Variants in GAREM1 observed in about 807,000 individuals in gnomAD.
The protein encoded by GAREM1 is GRB2-associated and regulator of MAPK protein 1.
Under a neutral mutation model 71.3 loss-of-function variants are expected in GAREM1, and 26 were observed. That is an observed-to-expected ratio of 0.36 (90% CI 0.27 to 0.51). GAREM1 has a LOEUF of 0.51. Among genes scored for constraint, GAREM1 ranks in the 20% least tolerant of loss-of-function variants. GAREM1 has a pLI of 0.95. For synonymous variants in GAREM1, 440 were observed against 433.2 expected, an observed-to-expected ratio of 1.02 and a Z score of -0.20; for missense variants, 1,026 against 1,103.1, an observed-to-expected ratio of 0.93 and a Z score of 0.99.
Position 32,457,763 on chromosome 18 carries a change from AT to A in GAREM1, c.121+12544del, listed in dbSNP as rs1172171017. 5.3e-5 allele frequency among the ~76,000 whole-genome samples: 8 copies of A among 152,102 alleles called. No homozygotes were observed. In the East Asian group the frequency reaches 7.7e-4, roughly 15 times the overall value. ...AGTGATATGTACTTTTTTAATTATTATTTTTTATTATACTTTTAAGTTCTAG... is the reference window on the plus strand; with the variant it reads ...AGTGATATGTACTTTTTTAATTATTATTTTTATTATACTTTTAAGTTCTAG... On this transcript the variant is annotated intron_variant, in intron 1 of 5. Transcript: ENST00000269209.
Position 32,356,146 on chromosome 18 carries a change from G to C in GAREM1, c.262+36749C>G, listed in dbSNP as rs970933144. Among the ~76,000 whole-genome samples, 3 of 152,182 alleles carry C rather than the reference G, an allele frequency of 2.0e-5. No homozygotes were observed. In the South Asian group the frequency reaches 6.2e-4, roughly 31 times the overall value. ...AAAGGAATGAATCACCATGAAGCAG[G>C]TCAGGTTAGCATTTTTTTCCCATTT... On this transcript the variant is annotated intron_variant, in intron 2 of 5. Transcript: ENST00000269209.
chr18:32,409,557 ATG>A (rs1334687242), intron 1 of GAREM1, among the ~76,000 whole-genome samples: 8 of 152,218 alleles, frequency 5.3e-5, no homozygotes, highest in Non-Finnish European at 4.4e-5. Flanking sequence ...GCAAAAAGGA[ATG>A]CATGAAACAA....
intron 4 of GAREM1, among the ~76,000 whole-genome samples, chr18:32,277,194 T>C (rs370398452): frequency 2.6e-5 from 4 of 152,068 alleles, no homozygotes; most frequent in African/African-American, 9.7e-5. Context: ...TTCTCAGGAA[T>C]TGTCTGGAAA....
At chr18:32,374,515 C>T (rs1413504509) in intron 2 of GAREM1, among the ~76,000 whole-genome samples, 16 of 152,134 alleles carry the variant, frequency 1.1e-4, no homozygotes, top group Non-Finnish European at 2.2e-4. Context: ...CTTAGCAAAA[C>T]AATATAGCTC....
At chr18:32,419,880 G>C (rs1481817909) in intron 1 of GAREM1, among the ~76,000 whole-genome samples, 1 of 152,140 alleles carries the variant, frequency 6.6e-6, no homozygotes. Context: ...CTTTCAAAAA[G>C]ACTTTATGGG....
chr18:32,338,779 T>C (rs943921436), intron 2 of GAREM1, among the ~76,000 whole-genome samples: 1 of 152,256 alleles, frequency 6.6e-6, no homozygotes, highest in Non-Finnish European at 1.5e-5. Context: ...TGATGGTTAA[T>C]GTTGTGTCAA....
chr18:32,299,853 G>A (rs2047182444), intron 3 of GAREM1, among the ~76,000 whole-genome samples: 1 of 152,032 alleles, frequency 6.6e-6, no homozygotes, highest in Admixed American at 6.6e-5. Context: ...AAAGACACAA[G>A]AAGCAAATAA....
At chr18:32,336,133 T>C (rs756462128) in intron 2 of GAREM1, among the ~76,000 whole-genome samples, 1 of 152,106 alleles carries the variant, frequency 6.6e-6, no homozygotes, top group African/African-American at 2.4e-5. Flanking sequence ...CGGGATGTTA[T>C]AAAAACCATA....
intron 1 of GAREM1, among the ~76,000 whole-genome samples, chr18:32,445,172 C>A (rs923473565): frequency 1.3e-5 from 2 of 152,166 alleles, no homozygotes; most frequent in Non-Finnish European, 2.9e-5. Flanking sequence ...CACTCCCCAA[C>A]ACAAACCTGC....
rs1328361517 is a variant in GAREM1, at chr18:32,288,144, C to A, written c.453G>T (p.Gly151=). 1.9e-6 allele frequency: 3 copies of A among 1,613,952 alleles called. No individual in the cohort carries two copies. The South Asian group carries it at 3.3e-5, about 18-fold the overall frequency. Residue 151 remains glycine (G), a synonymous_variant, in exon 4 of 6, where the codon GGG becomes GGT. Coordinates refer to ENST00000269209, the MANE Select transcript of GAREM1 (RefSeq NM_001242409.2). ...CCTGCCCCATTAGAGTGAGTTCATC[C>A]CCAGTACACAGGGTGATGTTGTAAA... ...TEVYNITLCT[G]DELTLMGQAE... is the part of the protein sequence containing the mutation.
At chr18:32,376,770 G>A (rs946965779) in intron 2 of GAREM1, among the ~76,000 whole-genome samples, 16 of 152,082 alleles carry the variant, frequency 1.1e-4, no homozygotes, top group Middle Eastern at 3.2e-3. Flanking sequence ...CCCGGGAGGC[G>A]GAGGCTGCAA....
intron 3 of GAREM1, among the ~76,000 whole-genome samples, chr18:32,309,828 G>A (rs1311169185): frequency 2.0e-5 from 3 of 151,950 alleles, no homozygotes; most frequent in Middle Eastern, 3.4e-3. Flanking sequence ...TTTTAAATAA[G>A]TGTTTGGTAT....
In GAREM1 at chr18:32,364,018, ATATATATATGTTTTT is replaced by A. The variant is rs1363866905; in HGVS notation, c.262+28862_262+28876del. On this transcript the variant is annotated intron_variant, in intron 2 of 5. Coordinates refer to ENST00000269209, the MANE Select transcript of GAREM1 (RefSeq NM_001242409.2). ...TACATATATATATATATATATATAT[ATATATATATGTTTTT>A]TTTTTTTTTTTTTTTTTGTGAGACA... Among the ~76,000 whole-genome samples the A allele has an allele frequency of 6.2e-4, 30 of 48,200 alleles. 1 individual carries two copies. The highest frequency in any genetic ancestry group is 4.4e-3 in the African/African-American group (29 of 6,606). 31.6% of individuals were successfully genotyped at this position (48,200 alleles called of 152,430 possible). A position where few individuals can be genotyped will look rare whatever the true frequency, so the allele number is the denominator to read the frequency against.
Position 32,388,000 on chromosome 18 carries a change from T to G in GAREM1, c.262+4895A>C, listed in dbSNP as rs754610509. Reference sequence around the variant, plus strand: ...AGATCACAAAGTAAGGGGTACTACTTGGAATAGGAGAGTGTAGGAGCCTTG... The same window carrying G: ...AGATCACAAAGTAAGGGGTACTACTGGGAATAGGAGAGTGTAGGAGCCTTG... On this transcript the variant is annotated intron_variant, in intron 2 of 5. Transcript: ENST00000269209. Among the ~76,000 whole-genome samples, 147 of 152,104 alleles carry G rather than the reference T, an allele frequency of 9.7e-4. 2 individuals carry two copies. Among genetic ancestry groups the G allele is most frequent in the Non-Finnish European group, 3.5e-4 (24 of 68,016 alleles).
At chr18:32,338,818 T>C (rs1226990129) in intron 2 of GAREM1, among the ~76,000 whole-genome samples, 1 of 152,246 alleles carries the variant, frequency 6.6e-6, no homozygotes, top group African/African-American at 2.4e-5. Context: ...TACAGATATC[T>C]GGTCAAACAC....
chr18:32,334,234 A>AG (rs570012055), intron 2 of GAREM1, among the ~76,000 whole-genome samples: 3 of 152,146 alleles, frequency 2.0e-5, no homozygotes, highest in Non-Finnish European at 4.4e-5. Context: ...TCACACCCCG[A>AG]GGGGGGCACA....
chr18:32,378,012 CTG>C (rs1157230204), intron 2 of GAREM1, among the ~76,000 whole-genome samples: 29,079 of 131,362 alleles, frequency 0.22, 2,699 homozygotes, highest in East Asian at 0.37. Context: ...TACTATATAA[CTG>C]TGTGTGTGTG....
intron 4 of GAREM1, among the ~76,000 whole-genome samples, chr18:32,274,653 A>C (rs1598921099): frequency 6.6e-6 from 1 of 152,206 alleles, no homozygotes; most frequent in Non-Finnish European, 1.5e-5. Context: ...AGGTCCATGC[A>C]AAGTGGTGGA....
chr18:32,436,817 CAG>C (rs1216078394), intron 1 of GAREM1, among the ~76,000 whole-genome samples: 2 of 152,134 alleles, frequency 1.3e-5, no homozygotes. Context: ...ACTGAAAGGA[CAG>C]AGATTTTGAA....
Sources: gnomAD v4.1 joint callset for allele counts (sites outside exome capture counted in the v4.1 genomes callset) on GRCh38, gnomAD v4.1.1 for gene constraint, MANE v1.5 for transcripts, NCBI Gene and HGNC (gene_info 2026-07-23, HGNC 2026-07-21) for gene names.